Variants in SUGCT observed in about 807,000 individuals in gnomAD.
SUGCT encodes the protein succinyl-CoA:glutarate-CoA transferase, also known as succinyl-CoA:glutarate CoA-transferase.
In SUGCT, 41 loss-of-function variants were observed where a neutral mutation model predicts 55.0. The observed-to-expected ratio is 0.74, with a 90% CI of 0.58 to 0.97. SUGCT has a LOEUF of 0.97. Among genes scored for constraint, SUGCT ranks in the 50% least tolerant of loss-of-function variants. The probability of loss-of-function intolerance (pLI) is 0.00; values close to 1 mark genes in which losing one functional copy is unlikely to be tolerated. For synonymous variants in SUGCT, 187 were observed against 200.4 expected, an observed-to-expected ratio of 0.93 and a Z score of 0.56; for missense variants, 568 against 547.8, an observed-to-expected ratio of 1.04 and a Z score of -0.37.
intron 13 of SUGCT, among the ~76,000 whole-genome samples, chr7:40,781,194 G>A (rs1455405887): frequency 6.6e-6 from 1 of 152,088 alleles, no homozygotes. Flanking sequence ...GTATACCCAA[G>A]ATAGTTATTC....
chr7:40,497,430 A>C (rs780535033), intron 12 of SUGCT, among the ~76,000 whole-genome samples: 2 of 151,988 alleles, frequency 1.3e-5, no homozygotes, highest in Non-Finnish European at 2.9e-5. Flanking sequence ...TGCTTGTGCT[A>C]TTTTTTCGGC....
chr7:40,293,050 C>T (rs1297871728), intron 8 of SUGCT, among the ~76,000 whole-genome samples: 2 of 151,988 alleles, frequency 1.3e-5, no homozygotes, highest in Non-Finnish European at 2.9e-5. Flanking sequence ...TCAATGGAGG[C>T]TGGAATTAAT....
chr7:40,508,921 G>A (rs867426432), intron 12 of SUGCT, among the ~76,000 whole-genome samples: 3 of 151,764 alleles, frequency 2.0e-5, no homozygotes, highest in South Asian at 4.2e-4. Flanking sequence ...ATGTCTGACT[G>A]TGCCCTGCTG....
chr7:40,174,563 A>G (rs1383950134), intron 1 of SUGCT, among the ~76,000 whole-genome samples: 1 of 152,216 alleles, frequency 6.6e-6, no homozygotes, highest in Non-Finnish European at 1.5e-5. Context: ...GCTTGAGCCC[A>G]GAAGGTCGAG....
chr7:40,510,739 T>A (rs944097826), intron 12 of SUGCT, among the ~76,000 whole-genome samples: 1 of 152,110 alleles, frequency 6.6e-6, no homozygotes, highest in Admixed American at 6.6e-5. Context: ...TAAGTATTCA[T>A]GAGGTCGTAC....
At chr7:40,432,803 G>GT (rs1378413583) in intron 9 of SUGCT, among the ~76,000 whole-genome samples, 3 of 150,024 alleles carry the variant, frequency 2.0e-5, no homozygotes, top group Admixed American at 2.0e-4. Flanking sequence ...TAGTTCATGA[G>GT]TTTTGGGCTT....
At chr7:40,266,338 G>A (rs1791575965) in intron 7 of SUGCT, among the ~76,000 whole-genome samples, 1 of 151,268 alleles carries the variant, frequency 6.6e-6, no homozygotes, top group Non-Finnish European at 1.5e-5. Flanking sequence ...TAGTAGAGAG[G>A]GAGTTTCTCC....
intron 12 of SUGCT, among the ~76,000 whole-genome samples, chr7:40,552,337 T>G (rs951138273): frequency 6.6e-6 from 1 of 152,222 alleles, no homozygotes; most frequent in Non-Finnish European, 1.5e-5. Context: ...AACCATTTCC[T>G]GACTGCTGTT....
chr7:40,228,184 T>G (rs1232265609), intron 6 of SUGCT, among the ~76,000 whole-genome samples: 6 of 152,070 alleles, frequency 3.9e-5, no homozygotes, highest in Admixed American at 3.3e-4. Context: ...CACCTGGTCT[T>G]TCTTTCTTTC....
intron 8 of SUGCT, among the ~76,000 whole-genome samples, chr7:40,313,535 A>G (rs555920445): frequency 6.6e-6 from 1 of 152,302 alleles, no homozygotes; most frequent in South Asian, 2.1e-4. Context: ...AAGTTTAGCC[A>G]TGTTGCTCTC....
chr7:40,787,562 A>T (rs1790075292), intron 13 of SUGCT, among the ~76,000 whole-genome samples: 1 of 150,084 alleles, frequency 6.7e-6, no homozygotes. Context: ...CAATCTTGGG[A>T]TCTAAGGATC....
intron 9 of SUGCT, among the ~76,000 whole-genome samples, chr7:40,317,063 C>A (rs1307597732): frequency 7.0e-6 from 1 of 142,864 alleles, no homozygotes; most frequent in East Asian, 2.2e-4. Context: ...AGATTAGTAA[C>A]AAGACCCTTA....
intron 13 of SUGCT, chr7:40,775,831 G>A (rs1402702329): frequency 2.6e-5 from 4 of 152,212 alleles, no homozygotes; most frequent in Non-Finnish European, 2.9e-5. Context: ...CCTAGGGTGT[G>A]AGAAGGAGGA....
chr7:40,195,804 C>G lies in SUGCT; in HGVS notation c.484+744C>G, dbSNP rs10232700. On this transcript the variant is annotated intron_variant, in intron 6 of 13. Coordinates refer to ENST00000335693, the MANE Select transcript of SUGCT (RefSeq NM_001193313.2). ...ATCTCGGCTCACTGCACCCTCTGCC[C>G]CTAGGTTCAAAGGATTCTCCTGCCT... 3.5e-3 allele frequency among the ~76,000 whole-genome samples: 520 copies of G among 149,350 alleles called. 3 individuals carry two copies. Among genetic ancestry groups the G allele is most frequent in the African/African-American group, 0.012 (489 of 40,500 alleles).
chr7:40,964,190 G>A, the SUGCT span, among the ~76,000 whole-genome samples: 2 of 152,140 alleles, frequency 1.3e-5, no homozygotes, highest in Non-Finnish European at 2.9e-5. Flanking sequence ...GATTTGTCTG[G>A]CTATGCTTGA....
At chr7:40,816,648 A>T (rs560960215) in intron 13 of SUGCT, among the ~76,000 whole-genome samples, 1 of 152,280 alleles carries the variant, frequency 6.6e-6, no homozygotes, top group Non-Finnish European at 1.5e-5. Context: ...GTTGATCTTT[A>T]TGCATTGTCT....
rs142013037 is a variant in SUGCT, at chr7:40,836,896, C to T, written c.1154-23420C>T. 2.5e-3 allele frequency among the ~76,000 whole-genome samples: 379 copies of T among 152,126 alleles called. 2 individuals are homozygous for T. Among genetic ancestry groups the T allele is most frequent in the African/African-American group, 8.9e-3 (368 of 41,526 alleles). On this transcript the variant is annotated intron_variant, in intron 13 of 13. Coordinates refer to ENST00000335693, the MANE Select transcript of SUGCT (RefSeq NM_001193313.2). ...TTCCAGATTTTGCATTACATATGAA[C>T]ATTCATGAGCAGATTTCTGAGTAAA...
intron 12 of SUGCT, among the ~76,000 whole-genome samples, chr7:40,681,077 A>G (rs1784217163): frequency 6.6e-6 from 1 of 152,172 alleles, no homozygotes; most frequent in East Asian, 1.9e-4. Flanking sequence ...ATCGTGAAAT[A>G]TATAGGACAT....
chr7:40,352,774 ATTCC>A (rs1404762332), intron 9 of SUGCT, among the ~76,000 whole-genome samples: 1 of 152,134 alleles, frequency 6.6e-6, no homozygotes, highest in East Asian at 1.9e-4. Context: ...TGACGTATGT[ATTCC>A]TTTGGGTGTA....
Sources: allele counts gnomAD v4.1 joint callset (sites outside exome capture counted in the v4.1 genomes callset), GRCh38; gene constraint gnomAD v4.1.1; transcripts MANE v1.5; gene names NCBI Gene and HGNC (gene_info 2026-07-23, HGNC 2026-07-21).